ANKS1B: variants seen among roughly 807,000 people sequenced by gnomAD.
ANKS1B encodes ankyrin repeat and sterile alpha motif domain-containing protein 1B.
Under a neutral mutation model 148.3 loss-of-function variants are expected in ANKS1B, and 36 were observed. That is an observed-to-expected ratio of 0.24 (90% CI 0.19 to 0.32). ANKS1B has a LOEUF of 0.32. Among genes scored for constraint, ANKS1B ranks in the 10% least tolerant of loss-of-function variants. The pLI is 1.00. For missense variants in ANKS1B, 1,157 were observed against 1,542.6 expected, an observed-to-expected ratio of 0.75 and a Z score of 4.19; for synonymous variants, 542 against 560.8, an observed-to-expected ratio of 0.97 and a Z score of 0.47.
chr12:99,450,077 G>T (rs1380401695), intron 10 of ANKS1B, among the ~76,000 whole-genome samples: 1 of 152,094 alleles, frequency 6.6e-6, no homozygotes, highest in East Asian at 1.9e-4. Context: ...CCAAAGGCCT[G>T]AGAACCAAGG....
chr12:99,590,681 G>C (rs886515275), intron 9 of ANKS1B, among the ~76,000 whole-genome samples: 15 of 152,192 alleles, frequency 9.9e-5, no homozygotes, highest in African/African-American at 3.6e-4. Context: ...AGGTGAAGGA[G>C]GTTGAAAACA....
At position 99,825,638 on chromosome 12, in the gene ANKS1B, G is replaced by A. The variant is rs12578728; in HGVS notation, c.135-249C>T. ...TATTAACAAATGTGTGTCCATGGTC[G>A]TGCACTGAAGTTTGGATCCAAAAAT... On this transcript the variant is annotated intron_variant, in intron 1 of 26. Coordinates refer to ENST00000683438, the MANE Select transcript of ANKS1B (RefSeq NM_001352186.2). Among the ~76,000 whole-genome samples, 274 of 152,208 alleles carry A rather than the reference G, an allele frequency of 1.8e-3. 7 individuals are homozygous for A. In the East Asian group the frequency reaches 0.041, roughly 23 times the overall value.
intron 17 of ANKS1B, among the ~76,000 whole-genome samples, chr12:98,870,429 G>GAGCTTTGGGGAGC (rs1447876239): frequency 1.3e-5 from 2 of 152,210 alleles, no homozygotes; most frequent in Non-Finnish European, 2.9e-5. Context: ...TTGAAGAGAA[G>GAGCTTTGGGGAGC]AGCTTTGGGG....
At chr12:99,712,653 C>T (rs2153538522) in intron 8 of ANKS1B, among the ~76,000 whole-genome samples, 1 of 152,298 alleles carries the variant, frequency 6.6e-6, no homozygotes, top group Non-Finnish European at 1.5e-5. Context: ...AAATACCTCT[C>T]CATCTGTGGA....
At chr12:99,311,222 G>T (rs563253603) in intron 12 of ANKS1B, among the ~76,000 whole-genome samples, 3 of 152,218 alleles carry the variant, frequency 2.0e-5, no homozygotes, top group South Asian at 4.1e-4. Context: ...GGATAGCCCA[G>T]TGAGAAATTT....
At chr12:99,549,634 C>A (rs907388956) in intron 9 of ANKS1B, among the ~76,000 whole-genome samples, 22 of 152,120 alleles carry the variant, frequency 1.4e-4, no homozygotes, top group Non-Finnish European at 2.9e-5. Flanking sequence ...CAGTGGTTTG[C>A]TTAGTAATAG....
At chr12:99,087,128 T>C (rs1167927174) in intron 15 of ANKS1B, among the ~76,000 whole-genome samples, 9 of 152,244 alleles carry the variant, frequency 5.9e-5, no homozygotes, top group African/African-American at 2.2e-4. Context: ...TGGAACTTGA[T>C]GCCTTTTCCT....
Position 99,800,441 on chromosome 12 carries a change from C to CAAAAAA in ANKS1B, c.669+5957_669+5962dup, listed in dbSNP as rs138056927. 1.3e-4 allele frequency among the ~76,000 whole-genome samples: 11 copies of CAAAAAA among 86,756 alleles called. 1 individual carries two copies. Among genetic ancestry groups the CAAAAAA allele is most frequent in the African/African-American group, 3.0e-4 (7 of 23,386 alleles). 56.9% of individuals were successfully genotyped at this position (86,756 alleles called of 152,430 possible). ...CAACCTAAGCAGACAATACAGAAGC[C>CAAAAAA]AAAAAAAAAAAAAAAAAAAACGGAG... On this transcript the variant is annotated intron_variant, in intron 4 of 26. Transcript: ENST00000683438.
chr12:99,715,496 C>CT (rs1231477837), intron 8 of ANKS1B, among the ~76,000 whole-genome samples: 2 of 152,160 alleles, frequency 1.3e-5, no homozygotes, highest in Non-Finnish European at 2.9e-5. Context: ...TTCGCTGACT[C>CT]TTTTCGGACT....
At chr12:99,466,243 A>G (rs144285899) in intron 10 of ANKS1B, among the ~76,000 whole-genome samples, 8,458 of 152,130 alleles carry the variant, frequency 0.056, 801 homozygotes, top group African/African-American at 0.19. Flanking sequence ...AAACCAACGA[A>G]AACAAAGACA....
intron 14 of ANKS1B, among the ~76,000 whole-genome samples, chr12:99,185,706 C>G (rs1449942503): frequency 6.6e-6 from 1 of 152,212 alleles, no homozygotes; most frequent in Non-Finnish European, 1.5e-5. Flanking sequence ...ACGGTGCATT[C>G]TGGCCCAGAT....
At chr12:99,372,555 A>T (rs192660588) in intron 12 of ANKS1B, among the ~76,000 whole-genome samples, 13 of 152,240 alleles carry the variant, frequency 8.5e-5, no homozygotes, top group Non-Finnish European at 8.8e-5. Flanking sequence ...ATATTTTATG[A>T]TATGTTTTCC....
chr12:99,576,702 G>C (rs994554648), intron 9 of ANKS1B, among the ~76,000 whole-genome samples: 1 of 151,996 alleles, frequency 6.6e-6, no homozygotes, highest in Non-Finnish European at 1.5e-5. Flanking sequence ...CAAAGATACA[G>C]CATGCCAGAA....
At chr12:99,088,641 A>C (rs1242094559) in intron 15 of ANKS1B, among the ~76,000 whole-genome samples, 2 of 152,064 alleles carry the variant, frequency 1.3e-5, no homozygotes, top group Admixed American at 6.6e-5. Flanking sequence ...TTTTTGTAGT[A>C]GTACGGATTC....
chr12:99,326,336 G>A (rs927183789), intron 12 of ANKS1B, among the ~76,000 whole-genome samples: 8 of 151,984 alleles, frequency 5.3e-5, no homozygotes, highest in Admixed American at 2.6e-4. Context: ...TTTTGAGAAA[G>A]GTAGCCAAAG....
chr12:99,475,213 C>T (rs1355098068), intron 10 of ANKS1B, among the ~76,000 whole-genome samples: 1 of 150,484 alleles, frequency 6.6e-6, no homozygotes, highest in East Asian at 1.9e-4. Context: ...CCACTGCACT[C>T]CAGCCTGGGT....
chr12:99,663,368 C>T (rs562825328), intron 8 of ANKS1B, among the ~76,000 whole-genome samples: 1 of 152,256 alleles, frequency 6.6e-6, no homozygotes, highest in East Asian at 1.9e-4. Context: ...AGAAACCCTA[C>T]TGTTAAATAC....
chr12:98,948,742 CTCTCTCTG>C (rs913919086), intron 17 of ANKS1B, among the ~76,000 whole-genome samples: 2 of 149,560 alleles, frequency 1.3e-5, no homozygotes, highest in African/African-American at 5.0e-5. Flanking sequence ...CTCTCTCTCT[CTCTCTCTG>C]TCTCTCACAC....
chr12:99,169,608 A>G (rs1601358922), intron 14 of ANKS1B, among the ~76,000 whole-genome samples: 1 of 152,194 alleles, frequency 6.6e-6, no homozygotes, highest in African/African-American at 2.4e-5. Flanking sequence ...GGCACCTACT[A>G]TGGGTCTGGC....
Sources: allele counts gnomAD v4.1 joint callset (sites outside exome capture counted in the v4.1 genomes callset), GRCh38; gene constraint gnomAD v4.1.1; transcripts MANE v1.5; gene names NCBI Gene and HGNC (gene_info 2026-07-23, HGNC 2026-07-21).